Variants in FCHO2 observed in about 807,000 individuals in gnomAD.
FCHO2 encodes the protein FCH and mu domain containing endocytic adaptor 2, also known as F-BAR domain only protein 2.
A neutral mutation model predicts 114.1 loss-of-function variants in FCHO2; 43 were observed. The ratio of observed to expected loss-of-function variants is 0.38; its 90% CI spans 0.30 to 0.49. FCHO2 has a LOEUF of 0.49. FCHO2 is among the 20% of genes least tolerant of loss of function. The pLI, the probability that FCHO2 is intolerant of heterozygous loss-of-function variation, is 0.97. For synonymous variants in FCHO2, 293 were observed against 315.2 expected, an observed-to-expected ratio of 0.93 and a Z score of 0.75; for missense variants, 807 against 950.4, an observed-to-expected ratio of 0.85 and a Z score of 1.98.
chr5:73,034,724 G>A (rs768966644), intron 9 of FCHO2, 23 bp downstream of exon 9: 8 of 1,558,966 alleles, frequency 5.1e-6, no homozygotes, highest in Non-Finnish European at 6.9e-6. Flanking sequence ...GTTATAATAT[G>A]TTAATGCACA....
In FCHO2 at chr5:73,033,676, A is replaced by T. The variant is rs1227861888; in HGVS notation, c.797-981A>T. ...ATTTCACAAAAAAAGCTAGACTTTC[A>T]TGAATTTATATATAAAAAGTACTAA... On this transcript the variant is annotated intron_variant, in intron 8 of 25. Coordinates refer to ENST00000430046, the MANE Select transcript of FCHO2 (RefSeq NM_138782.3). Among the ~76,000 whole-genome samples the T allele has an allele frequency of 2.0e-5, 3 of 152,168 alleles. No homozygotes were observed. The East Asian group carries it at 5.8e-4, about 29-fold the overall frequency.
chr5:72,993,130 G>T (rs545743219), intron 5 of FCHO2, among the ~76,000 whole-genome samples: 21 of 151,956 alleles, frequency 1.4e-4, no homozygotes, highest in Admixed American at 1.2e-3. Flanking sequence ...GTGTCTTGAG[G>T]ATGTTCAAAT....
rs527652797 is a variant in FCHO2, at chr5:73,014,491, C to T, written c.601-1135C>T. On this transcript the variant is annotated intron_variant, in intron 6 of 25. Transcript: ENST00000430046. ...TTTGAGTAGAGACGAGGTTTCACCACGTTTGTCAGGCTGATCTCAAACTCC... is the reference window on the plus strand; with the variant it reads ...TTTGAGTAGAGACGAGGTTTCACCATGTTTGTCAGGCTGATCTCAAACTCC... 3.3e-3 allele frequency among the ~76,000 whole-genome samples: 502 copies of T among 151,534 alleles called. 1 individual carries two copies. The highest frequency in any genetic ancestry group is 5.8e-3 in the Non-Finnish European group (396 of 67,836).
chr5:72,994,003 T>C (rs1172199848), intron 5 of FCHO2, among the ~76,000 whole-genome samples: 1 of 152,140 alleles, frequency 6.6e-6, no homozygotes, highest in African/African-American at 2.4e-5. Flanking sequence ...GATTAAAGAC[T>C]TAAATGTAAA....
chr5:72,997,210 C>G, intron 5 of FCHO2: 1 of 1,147,878 alleles, frequency 8.7e-7, no homozygotes, highest in South Asian at 1.2e-5. Context: ...TGGTAATAGA[C>G]AAACATCCTG....
At position 73,052,524 on chromosome 5, in the gene FCHO2, T is replaced by G. The variant is rs1325768985; in HGVS notation, c.1173+17T>G. 6.4e-7 allele frequency: 1 copy of G among 1,553,246 alleles called. No homozygotes were observed. Among genetic ancestry groups the G allele is most frequent in the Non-Finnish European group, 8.7e-7 (1 of 1,148,848 alleles). The stretch of plus-strand genomic sequence containing the variant: ...GCAATATCTGTAAGTACAAACACGT[T>G]TGTACTCTTTATATAAAAGTCTTTA... On this transcript the variant is annotated intron_variant, in intron 13 of 25. Transcript: ENST00000430046.
intron 11 of FCHO2, among the ~76,000 whole-genome samples, chr5:73,042,888 C>T (rs1756871550): frequency 1.3e-5 from 2 of 152,072 alleles, no homozygotes; most frequent in Admixed American, 6.6e-5. Context: ...TGAATTTAGT[C>T]TAGTGTCTAA....
intron 11 of FCHO2, among the ~76,000 whole-genome samples, chr5:73,045,868 C>T (rs567070820): frequency 1.3e-5 from 2 of 152,150 alleles, no homozygotes; most frequent in Admixed American, 6.5e-5. Flanking sequence ...TTTAAGATTG[C>T]CATTTCTTGT....
In FCHO2 at chr5:72,989,517, C is replaced by CGAA; in HGVS notation, c.200+16_200+17insGAA. Reference sequence around the variant, plus strand: ...CACAACTTGGGTGAGTTAATTTCTTCCTCTTTTTCAGTGTTTATTTAGGCA... The same window carrying CGAA: ...CACAACTTGGGTGAGTTAATTTCTTCGAACTCTTTTTCAGTGTTTATTTAGGCA... On this transcript the variant is annotated intron_variant, in intron 3 of 25. Coordinates refer to ENST00000430046, the MANE Select transcript of FCHO2 (RefSeq NM_138782.3). 2.5e-6 allele frequency: 4 copies of CGAA among 1,584,706 alleles called. No homozygotes were observed. The highest frequency in any genetic ancestry group is 3.4e-6 in the Non-Finnish European group (4 of 1,163,842).
In FCHO2 at chr5:73,081,850, C is replaced by T. The variant is rs745506178; in HGVS notation, c.2048C>T (p.Thr683Ile). ...ACATACTGGAAATGTAGTGCTAGCA[C>T]CACAGATCTTAGAGTGGATTATAAA... ...LATYWKCSAS[T>I]TDLRVDYKYN... Residue 683 changes from threonine (T) to isoleucine (I), a missense_variant, in exon 23 of 26, where the codon ACC becomes ATC. Coordinates refer to ENST00000430046, the MANE Select transcript of FCHO2 (RefSeq NM_138782.3). The T allele has an allele frequency of 6.2e-7, 1 of 1,611,918 alleles. No homozygotes were observed. Among genetic ancestry groups the T allele is most frequent in the South Asian group, 1.1e-5 (1 of 90,710 alleles).
At chr5:73,023,569 G>A (rs896922774) in intron 8 of FCHO2, among the ~76,000 whole-genome samples, 30 of 152,144 alleles carry the variant, frequency 2.0e-4, no homozygotes, top group African/African-American at 7.0e-4. Context: ...GAGTGGTGAT[G>A]TGTACCTGTA....
chr5:73,001,448 C>CAAAAAAAAAA (rs1215202339), intron 5 of FCHO2, among the ~76,000 whole-genome samples: 25 of 65,490 alleles, frequency 3.8e-4, no homozygotes, highest in Non-Finnish European at 5.4e-4. Context: ...GATCCTGTCT[C>CAAAAAAAAAA]AAAAAAAAAA....
chr5:72,997,697 C>T, intron 5 of FCHO2: 1 of 1,539,250 alleles, frequency 6.5e-7, no homozygotes. Flanking sequence ...GAGGGCGAGC[C>T]CTTGGGATAC....
At chr5:73,077,868 C>A (rs565343185) in intron 21 of FCHO2, among the ~76,000 whole-genome samples, 1 of 152,046 alleles carries the variant, frequency 6.6e-6, no homozygotes, top group Non-Finnish European at 1.5e-5. Context: ...ATGTTTTCCC[C>A]CTTCTTCTTT....
intron 16 of FCHO2, among the ~76,000 whole-genome samples, chr5:73,056,844 G>T (rs190364703): frequency 6.6e-6 from 1 of 152,108 alleles, no homozygotes; most frequent in Non-Finnish European, 1.5e-5. Context: ...GGGAGAGAGA[G>T]GCTAGAAGGC....
In FCHO2 at chr5:72,997,070, C is replaced by T; in HGVS notation, c.495+6206C>T. On this transcript the variant is annotated intron_variant, in intron 5 of 25. Transcript: ENST00000430046. Reference sequence around the variant, plus strand: ...TGATATCATCCCCTTATCTTCTTGTCCTGGAATCAGCTAGGTGAAGAGGAA... The same window carrying T: ...TGATATCATCCCCTTATCTTCTTGTTCTGGAATCAGCTAGGTGAAGAGGAA... The T allele has an allele frequency of 3.1e-6, 4 of 1,280,412 alleles. No individual in the cohort carries two copies. In the Admixed American group the frequency reaches 6.9e-5, roughly 22 times the overall value. 79.3% of individuals were successfully genotyped at this position (1,280,412 alleles called of 1,614,324 possible). A position where few individuals can be genotyped will look rare whatever the true frequency, so the allele number is the denominator to read the frequency against.
chr5:72,961,463 A>G (rs1025200759), intron 1 of FCHO2, among the ~76,000 whole-genome samples: 4 of 152,184 alleles, frequency 2.6e-5, no homozygotes, highest in Non-Finnish European at 4.4e-5. Flanking sequence ...ATATATCTGT[A>G]TATATTTACT....
intron 8 of FCHO2, chr5:73,034,429 A>G (rs1198771408): frequency 5.1e-6 from 2 of 393,934 alleles, no homozygotes; most frequent in Non-Finnish European, 9.0e-6. Context: ...AATTATTGTG[A>G]TCATAATGGG....
chr5:73,080,741 T>C (rs1251702083), intron 22 of FCHO2, among the ~76,000 whole-genome samples: 1 of 152,172 alleles, frequency 6.6e-6, no homozygotes, highest in African/African-American at 2.4e-5. Context: ...CTTACAGGTG[T>C]TCATTTATTC....
Sources: allele counts gnomAD v4.1 joint callset (sites outside exome capture counted in the v4.1 genomes callset), GRCh38; gene constraint gnomAD v4.1.1; transcripts MANE v1.5; gene names NCBI Gene and HGNC (gene_info 2026-07-23, HGNC 2026-07-21).